The following ELOVL6 variants were observed in gnomAD, a reference collection of about 807,000 sequenced individuals.
ELOVL6 encodes ELOVL fatty acid elongase 6, also known as very long chain fatty acid elongase 6.
A neutral mutation model predicts 31.7 loss-of-function variants in ELOVL6; 8 were observed. The ratio of observed to expected loss-of-function variants is 0.25; its 90% CI spans 0.15 to 0.45. The LOEUF (loss-of-function observed/expected upper bound fraction) is 0.45, where lower values mean the gene tolerates loss of function less well. Among genes scored for constraint, ELOVL6 ranks in the 20% least tolerant of loss-of-function variants. ELOVL6 has a pLI of 1.00. For missense variants in ELOVL6, 126 were observed against 326.4 expected (o/e 0.39, Z 4.73); for synonymous variants, 101 against 117.7 (o/e 0.86, Z 0.92).
At chr4:110,097,736 C>A (rs1426316438) in intron 2 of ELOVL6, among the ~76,000 whole-genome samples, 1 of 149,920 alleles carries the variant, frequency 6.7e-6, no homozygotes, top group African/African-American at 2.5e-5. Context: ...ATTGCTCCAG[C>A]AATTTAGTTT....
At chr4:110,134,377 T>A (rs148228367) in intron 1 of ELOVL6, among the ~76,000 whole-genome samples, 70 of 152,282 alleles carry the variant, frequency 4.6e-4, no homozygotes, top group African/African-American at 1.6e-3. Flanking sequence ...TTGGGAGGGA[T>A]AGAAGTATTA....
chr4:110,120,849 G>A (rs947818809), intron 1 of ELOVL6, among the ~76,000 whole-genome samples: 1 of 135,916 alleles, frequency 7.4e-6, no homozygotes, highest in Non-Finnish European at 1.5e-5. Context: ...CCCCCTGGCT[G>A]GAGTGCTGTG....
chr4:110,159,635 G>T (rs1227198420), intron 1 of ELOVL6, among the ~76,000 whole-genome samples: 1 of 151,970 alleles, frequency 6.6e-6, no homozygotes, highest in Non-Finnish European at 1.5e-5. Flanking sequence ...GTGCATCTTG[G>T]TGTTTTTCAC....
chr4:110,109,961 A>G (rs1403970414), intron 1 of ELOVL6, among the ~76,000 whole-genome samples: 2 of 152,198 alleles, frequency 1.3e-5, no homozygotes, highest in African/African-American at 4.8e-5. Context: ...CAGTGAGGGG[A>G]AAAAATGAAA....
intron 2 of ELOVL6, among the ~76,000 whole-genome samples, chr4:110,084,488 G>GA (rs1756154760): frequency 4.8e-5 from 2 of 41,714 alleles, no homozygotes; most frequent in Non-Finnish European, 1.1e-4. Context: ...ACACTATAAT[G>GA]TATACACATA....
intron 1 of ELOVL6, among the ~76,000 whole-genome samples, chr4:110,112,560 T>A (rs1578489290): frequency 6.6e-6 from 1 of 152,288 alleles, no homozygotes; most frequent in East Asian, 1.9e-4. Context: ...GCTGCTCTAG[T>A]TAGCAAAATC....
chr4:110,117,905 T>TAA (rs1560830497), intron 1 of ELOVL6: 1 of 10,198 alleles, frequency 9.8e-5, no homozygotes, highest in Admixed American at 1.7e-3. Context: ...AAAAAAAAAA[T>TAA]ATATATATAT....
intron 1 of ELOVL6, among the ~76,000 whole-genome samples, chr4:110,164,730 C>A (rs188019578): frequency 0.044 from 6,121 of 140,252 alleles, 187 homozygotes; most frequent in South Asian, 0.11. Flanking sequence ...GAAAGTGGGA[C>A]CCTGTCTCAA....
intron 2 of ELOVL6, among the ~76,000 whole-genome samples, chr4:110,083,258 T>A (rs993507194): frequency 6.6e-6 from 1 of 151,528 alleles, no homozygotes; most frequent in Non-Finnish European, 1.5e-5. Context: ...CCAGGTAAAG[T>A]GATAATGGAC....
chr4:110,087,908 T>C (rs1295008673), intron 2 of ELOVL6, among the ~76,000 whole-genome samples: 1 of 152,218 alleles, frequency 6.6e-6, no homozygotes, highest in African/African-American at 2.4e-5. Context: ...TGGTTCATTT[T>C]GTCCTTAACA....
At chr4:110,157,755 A>G (rs1010477365) in intron 1 of ELOVL6, among the ~76,000 whole-genome samples, 2 of 152,188 alleles carry the variant, frequency 1.3e-5, no homozygotes, top group Non-Finnish European at 2.9e-5. Context: ...CAACTACCTC[A>G]AGGAATTATA....
At chr4:110,084,426 C>CATATATCATATATG (rs372760198) in intron 2 of ELOVL6, among the ~76,000 whole-genome samples, 10 of 67,514 alleles carry the variant, frequency 1.5e-4, no homozygotes, top group Middle Eastern at 0.013. Flanking sequence ...TGATATATCA[C>CATATATCATATATG]ATATATCATA....
intron 2 of ELOVL6, among the ~76,000 whole-genome samples, chr4:110,092,384 C>A (rs2126240153): frequency 6.6e-6 from 1 of 152,310 alleles, no homozygotes. Flanking sequence ...ATGGGAAAAG[C>A]ATTTATATGT....
At chr4:110,189,147 G>A (rs977457882) in intron 1 of ELOVL6, among the ~76,000 whole-genome samples, 4 of 151,958 alleles carry the variant, frequency 2.6e-5, no homozygotes, top group African/African-American at 9.7e-5. Context: ...GGGCAAGGTG[G>A]TGCGTGCCTG....
intron 1 of ELOVL6, among the ~76,000 whole-genome samples, chr4:110,145,369 A>T (rs1388941141): frequency 6.6e-6 from 1 of 152,176 alleles, no homozygotes; most frequent in African/African-American, 2.4e-5. Flanking sequence ...GGCAGAAGGG[A>T]TCCTGCCCAG....
intron 1 of ELOVL6, among the ~76,000 whole-genome samples, chr4:110,141,219 A>G (rs149589014): frequency 0.019 from 2,899 of 152,174 alleles, 92 homozygotes; most frequent in African/African-American, 0.066. Context: ...ATGAGCCACC[A>G]CACCCAGCTA....
chr4:110,097,046 C>T (rs1484286251), intron 2 of ELOVL6, among the ~76,000 whole-genome samples: 1 of 151,924 alleles, frequency 6.6e-6, no homozygotes, highest in Non-Finnish European at 1.5e-5. Context: ...AGTGGCTCAC[C>T]CCTGTAATCT....
chr4:110,198,080 C>T lies in ELOVL6; in HGVS notation c.89+167G>A, dbSNP rs1038554255. Reference sequence around the variant, plus strand: ...CAGACCTCGCGCTTCATGTACCCCCCCCCCCCCAGCGTCTCCTGCACCCGG... The same window carrying T: ...CAGACCTCGCGCTTCATGTACCCCCTCCCCCCCAGCGTCTCCTGCACCCGG... On this transcript the variant is annotated intron_variant, in intron 1 of 3. Coordinates refer to ENST00000302274, the MANE Select transcript of ELOVL6 (RefSeq NM_024090.3). 12 of 576,370 alleles carry T rather than the reference C, an allele frequency of 2.1e-5. 1 individual carries two copies. The highest frequency in any genetic ancestry group is 1.2e-4 in the African/African-American group (6 of 51,302). The allele number at this position is 576,370 out of a possible 1,614,324, so 35.7% of individuals were successfully genotyped here.
At chr4:110,169,214 C>A (rs1374386342) in intron 1 of ELOVL6, among the ~76,000 whole-genome samples, 1 of 151,312 alleles carries the variant, frequency 6.6e-6, no homozygotes, top group Non-Finnish European at 1.5e-5. Context: ...TGCACCCGAC[C>A]CCAACAGAGT....
Sources: gnomAD v4.1 joint callset for allele counts (sites outside exome capture counted in the v4.1 genomes callset) on GRCh38, gnomAD v4.1.1 for gene constraint, MANE v1.5 for transcripts, NCBI Gene and HGNC (gene_info 2026-07-23, HGNC 2026-07-21) for gene names.